Variants in PRKCA observed in about 807,000 individuals in gnomAD.
PRKCA encodes the protein protein kinase C alpha type.
PRKCA carries 27 observed loss-of-function variants against 87.0 expected under a neutral mutation model. The ratio of observed to expected loss-of-function variants is 0.31; its 90% CI spans 0.23 to 0.43. The LOEUF (loss-of-function observed/expected upper bound fraction) is 0.43. Ranked by LOEUF, PRKCA falls within the 20% of genes least tolerant of loss-of-function variation. The probability of loss-of-function intolerance (pLI) is 1.00; values close to 1 mark genes in which losing one functional copy is unlikely to be tolerated. For missense variants in PRKCA, 518 were observed against 852.3 expected (o/e 0.61, Z 4.88); for synonymous variants, 329 against 311.1 (o/e 1.06, Z -0.61).
At chr17:66,655,585 T>C (rs1971714775) in intron 5 of PRKCA, among the ~76,000 whole-genome samples, 1 of 152,246 alleles carries the variant, frequency 6.6e-6, no homozygotes, top group East Asian at 1.9e-4. Context: ...TTCACCTGTG[T>C]GTTTATTTAC....
intron 13 of PRKCA, among the ~76,000 whole-genome samples, chr17:66,767,941 C>T (rs998076956): frequency 1.3e-5 from 2 of 152,084 alleles, no homozygotes; most frequent in Non-Finnish European, 2.9e-5. Flanking sequence ...GCCTATTAAG[C>T]GTCTTCCCAC....
chr17:66,753,148 G>A (rs1401708170), intron 13 of PRKCA, among the ~76,000 whole-genome samples: 1 of 152,230 alleles, frequency 6.6e-6, no homozygotes, highest in Non-Finnish European at 1.5e-5. Flanking sequence ...GCTATGGTTT[G>A]TTAAGCCCTA....
chr17:66,378,333 T>A (rs1434359104), intron 2 of PRKCA, among the ~76,000 whole-genome samples: 6 of 152,120 alleles, frequency 3.9e-5, no homozygotes, highest in African/African-American at 1.4e-4. Flanking sequence ...TTCTTCTGAT[T>A]TTTTTCCCTC....
At chr17:66,541,925 C>G (rs765055142) in intron 3 of PRKCA, among the ~76,000 whole-genome samples, 7 of 152,172 alleles carry the variant, frequency 4.6e-5, no homozygotes, top group Non-Finnish European at 7.3e-5. Flanking sequence ...TTGAGCCCCA[C>G]AGTAAATTTT....
At chr17:66,661,088 T>G (rs1971888604) in intron 5 of PRKCA, among the ~76,000 whole-genome samples, 2 of 152,216 alleles carry the variant, frequency 1.3e-5, no homozygotes, top group Admixed American at 1.3e-4. Flanking sequence ...TTCTCCATAC[T>G]GCCTTCATTT....
At chr17:66,683,941 G>A (rs188701612) in intron 5 of PRKCA, among the ~76,000 whole-genome samples, 21 of 152,000 alleles carry the variant, frequency 1.4e-4, no homozygotes, top group Admixed American at 7.9e-4. Flanking sequence ...GTTCTCATCC[G>A]CTTCCCCACT....
chr17:66,734,696 C>A (rs1164015574), intron 9 of PRKCA, among the ~76,000 whole-genome samples: 1 of 152,176 alleles, frequency 6.6e-6, no homozygotes, highest in African/African-American at 2.4e-5. Context: ...CCTGGGAATG[C>A]GGCCCAGCAG....
chr17:66,767,468 A>C (rs1037993466), intron 13 of PRKCA, among the ~76,000 whole-genome samples: 1 of 152,180 alleles, frequency 6.6e-6, no homozygotes, highest in African/African-American at 2.4e-5. Flanking sequence ...CACTCACCCA[A>C]AGAGAATTTC....
At chr17:66,303,259 C>G (rs1904615225) in intron 1 of PRKCA, among the ~76,000 whole-genome samples, 1 of 152,140 alleles carries the variant, frequency 6.6e-6, no homozygotes, top group African/African-American at 2.4e-5. Flanking sequence ...GAGGCTGGCC[C>G]CGTACGGTGG....
chr17:66,643,719 G>C (rs558296761), intron 4 of PRKCA, among the ~76,000 whole-genome samples: 2 of 152,172 alleles, frequency 1.3e-5, no homozygotes, highest in Non-Finnish European at 2.9e-5. Flanking sequence ...AGAGCAAGCC[G>C]ATGAGCACCA....
chr17:66,463,382 G>GTT lies in PRKCA; in HGVS notation c.206-32807_206-32806dup, dbSNP rs58154764. On this transcript the variant is annotated intron_variant, in intron 2 of 16. Coordinates refer to ENST00000413366, the MANE Select transcript of PRKCA (RefSeq NM_002737.3). Reference sequence around the variant, plus strand: ...GTGAAATTCTTAGCCTTGATTCTGTGTTTTTTTTTTTTTAAATTTTTTTAT... The same window carrying GTT: ...GTGAAATTCTTAGCCTTGATTCTGTGTTTTTTTTTTTTTTTAAATTTTTTTAT... Among the ~76,000 whole-genome samples the GTT allele has an allele frequency of 1.2e-4, 17 of 146,558 alleles. 1 individual carries two copies. The highest frequency in any genetic ancestry group is 2.7e-4 in the Admixed American group (4 of 14,742).
At chr17:66,517,261 C>A (rs566493834) in intron 3 of PRKCA, among the ~76,000 whole-genome samples, 1 of 152,052 alleles carries the variant, frequency 6.6e-6, no homozygotes, top group Admixed American at 6.6e-5. Context: ...TCCAGCCTGG[C>A]GACAGAGTGA....
At chr17:66,502,008 T>C (rs2144132972) in intron 3 of PRKCA, among the ~76,000 whole-genome samples, 1 of 152,326 alleles carries the variant, frequency 6.6e-6, no homozygotes, top group South Asian at 2.1e-4. Flanking sequence ...TTTCCAGACT[T>C]CTTCCTCTCA....
At chr17:66,354,724 G>A (rs73341556) in intron 2 of PRKCA, among the ~76,000 whole-genome samples, 2,566 of 152,156 alleles carry the variant, frequency 0.017, 70 homozygotes, top group African/African-American at 0.058. Flanking sequence ...TTCTCCAGCC[G>A]AGAAGCAGCA....
chr17:66,479,344 T>C (rs1392819614), intron 2 of PRKCA, among the ~76,000 whole-genome samples: 2 of 152,018 alleles, frequency 1.3e-5, no homozygotes, highest in Non-Finnish European at 2.9e-5. Flanking sequence ...TACTAAAAAG[T>C]CAAAAAATAT....
intron 10 of PRKCA, among the ~76,000 whole-genome samples, chr17:66,736,907 G>T (rs144363389): frequency 2.4e-3 from 361 of 152,288 alleles, no homozygotes; most frequent in Non-Finnish European, 3.8e-3. Context: ...TGCTGCAAGA[G>T]ACACTCACAG....
chr17:66,306,145 G>C lies in PRKCA; in HGVS notation c.205+18G>C, dbSNP rs759795096. On this transcript the variant is annotated intron_variant, in intron 2 of 16. Transcript: ENST00000413366. ...GTGCCAAGGTAAGCTACCACTTTTG[G>C]TTTTATTTTCAAGCACAACATGAAA... 6.2e-7 allele frequency: 1 copy of C among 1,608,858 alleles called. No individual in the cohort carries two copies. Among genetic ancestry groups the C allele is most frequent in the Admixed American group, 1.7e-5 (1 of 59,162 alleles).
At chr17:66,593,913 G>A (rs1182036921) in intron 3 of PRKCA, among the ~76,000 whole-genome samples, 7 of 152,098 alleles carry the variant, frequency 4.6e-5, no homozygotes, top group Admixed American at 1.3e-4. Context: ...GAAAAACCCC[G>A]TCTCTACTAA....
intron 8 of PRKCA, among the ~76,000 whole-genome samples, chr17:66,702,175 G>T (rs939647728): frequency 6.6e-6 from 1 of 151,680 alleles, no homozygotes; most frequent in Non-Finnish European, 1.5e-5. Context: ...TACATGTAAA[G>T]GCTCAATTGT....
Sources: allele counts gnomAD v4.1 joint callset (sites outside exome capture counted in the v4.1 genomes callset), GRCh38; gene constraint gnomAD v4.1.1; transcripts MANE v1.5; gene names NCBI Gene and HGNC (gene_info 2026-07-23, HGNC 2026-07-21).